The following GRIK1 variants were observed in gnomAD, a reference collection of about 807,000 sequenced individuals.
GRIK1 encodes the protein glutamate receptor ionotropic, kainate 1.
In GRIK1, 69 loss-of-function variants were observed where a neutral mutation model predicts 105.7. That is an observed-to-expected ratio of 0.65 (90% confidence interval 0.54 to 0.80). The LOEUF (loss-of-function observed/expected upper bound fraction) is 0.80. Among genes scored for constraint, GRIK1 ranks in the 30% least tolerant of loss-of-function variants. The probability of loss-of-function intolerance (pLI) is 0.00; values close to 1 mark genes in which losing one functional copy is unlikely to be tolerated. For missense variants in GRIK1, 1,109 were observed against 1,167.3 expected (o/e 0.95, Z 0.73); for synonymous variants, 438 against 431.3 (o/e 1.02, Z -0.19).
chr21:29,579,687 G>T (rs1166050538), intron 13 of GRIK1, among the ~76,000 whole-genome samples: 1 of 152,046 alleles, frequency 6.6e-6, no homozygotes, highest in Non-Finnish European at 1.5e-5. Flanking sequence ...GTTTGTATCT[G>T]GAAAGATTTG....
At chr21:29,678,056 G>A (rs1429164031) in intron 3 of GRIK1, among the ~76,000 whole-genome samples, 2 of 152,188 alleles carry the variant, frequency 1.3e-5, no homozygotes, top group Admixed American at 6.5e-5. Context: ...AACCATCAGT[G>A]AGTTTGATGC....
chr21:29,653,773 C>T (rs1273083912), intron 5 of GRIK1, among the ~76,000 whole-genome samples: 5 of 152,078 alleles, frequency 3.3e-5, no homozygotes, highest in Non-Finnish European at 7.4e-5. Flanking sequence ...CTACCCTGTA[C>T]CCACTTCCAC....
At chr21:29,750,346 G>A (rs370716602) in intron 1 of GRIK1, among the ~76,000 whole-genome samples, 2 of 148,236 alleles carry the variant, frequency 1.3e-5, no homozygotes, top group African/African-American at 4.9e-5. Flanking sequence ...TCCAACTCTG[G>A]ATGCATTCTA....
chr21:29,545,726 C>A (rs1198516018), intron 16 of GRIK1, among the ~76,000 whole-genome samples: 1 of 152,078 alleles, frequency 6.6e-6, no homozygotes, highest in Admixed American at 6.6e-5. Context: ...CACGTATGCA[C>A]TACATGCATA....
At chr21:29,834,470 G>C (rs1053252232) in intron 1 of GRIK1, among the ~76,000 whole-genome samples, 3 of 151,128 alleles carry the variant, frequency 2.0e-5, no homozygotes, top group Non-Finnish European at 2.9e-5. Flanking sequence ...TGATGGATCT[G>C]CTTCCTTCAC....
At chr21:29,659,986 C>A (rs1018609837) in intron 4 of GRIK1, among the ~76,000 whole-genome samples, 4 of 151,656 alleles carry the variant, frequency 2.6e-5, no homozygotes, top group Admixed American at 1.3e-4. Context: ...ACAAAAAAAA[C>A]CCAACAACAA....
chr21:29,851,908 A>C (rs1298533718), intron 1 of GRIK1, among the ~76,000 whole-genome samples: 1 of 151,774 alleles, frequency 6.6e-6, no homozygotes, highest in Non-Finnish European at 1.5e-5. Context: ...ATCTGCACTG[A>C]CTCCTGGTAT....
chr21:29,676,050 A>G (rs1283381408), intron 3 of GRIK1, among the ~76,000 whole-genome samples: 1 of 152,206 alleles, frequency 6.6e-6, no homozygotes, highest in Non-Finnish European at 1.5e-5. Context: ...TAATAAACAC[A>G]CACCCCCAAA....
chr21:29,855,691 G>T (rs536301224), intron 1 of GRIK1, among the ~76,000 whole-genome samples: 1 of 152,318 alleles, frequency 6.6e-6, no homozygotes, highest in South Asian at 2.1e-4. Context: ...GAATAGATCA[G>T]CTGGGGAAAG....
chr21:29,719,604 T>C (rs1252835552), intron 1 of GRIK1, among the ~76,000 whole-genome samples: 2 of 152,184 alleles, frequency 1.3e-5, no homozygotes, highest in African/African-American at 4.8e-5. Flanking sequence ...AGATGATTTT[T>C]TTTTTCTCCA....
chr21:29,560,351 CTTTCTTTTTCTT>C (rs2090385977), intron 15 of GRIK1, among the ~76,000 whole-genome samples: 2 of 88,492 alleles, frequency 2.3e-5, no homozygotes, highest in African/African-American at 1.0e-4. Context: ...TTCTTTCTTT[CTTTCTTTTTCTT>C]TCTTCCTTCC....
intron 1 of GRIK1, among the ~76,000 whole-genome samples, chr21:29,848,753 G>GTGTGTA (rs1307814870): frequency 1.0e-4 from 2 of 19,646 alleles, no homozygotes; most frequent in Non-Finnish European, 4.0e-4. Flanking sequence ...CAAGTTGTGT[G>GTGTGTA]TGTATATATA....
intron 1 of GRIK1, among the ~76,000 whole-genome samples, chr21:29,771,355 T>C (rs1182196303): frequency 6.6e-6 from 1 of 152,014 alleles, no homozygotes; most frequent in African/African-American, 2.4e-5. Flanking sequence ...CGATGTCTAA[T>C]GGAGTAAGAG....
intron 1 of GRIK1, among the ~76,000 whole-genome samples, chr21:29,895,575 G>A (rs988454145): frequency 1.3e-5 from 2 of 152,124 alleles, no homozygotes; most frequent in African/African-American, 4.8e-5. Context: ...AAGATCCAAG[G>A]TGAACAGTAA....
At position 29,819,817 on chromosome 21, in the gene GRIK1, G is replaced by A. The variant is rs575700632; in HGVS notation, c.118+119566C>T. ...AGGTCAAGGGATCAAGTTTCCGTAT[G>A]AGACCCTGACCCAGATGACAGGGAC... On this transcript the variant is annotated intron_variant, in intron 1 of 17. Coordinates refer to ENST00000327783, the MANE Select transcript of GRIK1 (RefSeq NM_001330994.2). 3.9e-5 allele frequency among the ~76,000 whole-genome samples: 6 copies of A among 152,108 alleles called. No individual in the cohort carries two copies. The South Asian group carries it at 1.0e-3, about 26-fold the overall frequency.
intron 1 of GRIK1, among the ~76,000 whole-genome samples, chr21:29,772,385 G>C (rs758567916): frequency 6.6e-6 from 1 of 152,134 alleles, no homozygotes; most frequent in Non-Finnish European, 1.5e-5. Context: ...AACACTCAGG[G>C]ACAACCGTTT....
At chr21:29,701,481 T>C (rs1315404191) in intron 1 of GRIK1, among the ~76,000 whole-genome samples, 1 of 152,196 alleles carries the variant, frequency 6.6e-6, no homozygotes, top group Non-Finnish European at 1.5e-5. Flanking sequence ...GGGCTTGGAC[T>C]GGTAGAAGAC....
At chr21:29,802,879 A>G (rs2066751497) in intron 1 of GRIK1, among the ~76,000 whole-genome samples, 1 of 152,164 alleles carries the variant, frequency 6.6e-6, no homozygotes, top group African/African-American at 2.4e-5. Flanking sequence ...ATGACTCACA[A>G]TACGTTGCAT....
chr21:29,717,170 T>A (rs1284217160), intron 1 of GRIK1, among the ~76,000 whole-genome samples: 1 of 152,240 alleles, frequency 6.6e-6, no homozygotes. Context: ...TGAAAATGTC[T>A]GGATATCCAG....
Sources: allele counts gnomAD v4.1 joint callset (sites outside exome capture counted in the v4.1 genomes callset), GRCh38; gene constraint gnomAD v4.1.1; transcripts MANE v1.5; gene names NCBI Gene and HGNC (gene_info 2026-07-23, HGNC 2026-07-21).